ASAP1: variants seen among roughly 807,000 people sequenced by gnomAD.
The protein encoded by ASAP1 is ArfGAP with SH3 domain, ankyrin repeat and PH domain 1.
ASAP1 carries 43 observed loss-of-function variants against 145.2 expected under a neutral mutation model. That is an observed-to-expected ratio of 0.30 (90% CI 0.23 to 0.38). The LOEUF (loss-of-function observed/expected upper bound fraction) is 0.38. Ranked by LOEUF, ASAP1 falls within the 10% of genes least tolerant of loss-of-function variation. The pLI, the probability that ASAP1 is intolerant of heterozygous loss-of-function variation, is 1.00. For synonymous variants in ASAP1, 546 were observed against 515.5 expected, an observed-to-expected ratio of 1.06 and a Z score of -0.80; for missense variants, 1,018 against 1,355.3, an observed-to-expected ratio of 0.75 and a Z score of 3.91.
At chr8:130,352,414 C>G (rs562935234) in intron 3 of ASAP1, among the ~76,000 whole-genome samples, 3 of 152,190 alleles carry the variant, frequency 2.0e-5, no homozygotes, top group Admixed American at 6.5e-5. Flanking sequence ...AAATCCTATG[C>G]GTAAGATTTC....
chr8:130,228,259 G>C (rs146214341), intron 4 of ASAP1, among the ~76,000 whole-genome samples: 1 of 152,106 alleles, frequency 6.6e-6, no homozygotes, highest in Non-Finnish European at 1.5e-5. Context: ...AGGTGGCATA[G>C]AACACCCCCC....
At chr8:130,086,185 T>C (rs549245337) in intron 25 of ASAP1, among the ~76,000 whole-genome samples, 1 of 152,246 alleles carries the variant, frequency 6.6e-6, no homozygotes, top group South Asian at 2.1e-4. Context: ...CACAGAGTGG[T>C]GCGTGGAGAG....
chr8:130,093,269 G>A (rs983755972), intron 24 of ASAP1, among the ~76,000 whole-genome samples: 3 of 152,162 alleles, frequency 2.0e-5, no homozygotes, highest in Non-Finnish European at 4.4e-5. Flanking sequence ...GAAGTGGCTG[G>A]TGTGTGCCAG....
intron 3 of ASAP1, among the ~76,000 whole-genome samples, chr8:130,337,393 A>G (rs1167336166): frequency 6.6e-6 from 1 of 152,216 alleles, no homozygotes; most frequent in Admixed American, 6.5e-5. Flanking sequence ...ATTGATAATC[A>G]AGGCAACTTT....
At chr8:130,072,808 T>TGC (rs2097450302) in intron 27 of ASAP1, among the ~76,000 whole-genome samples, 1 of 41,320 alleles carries the variant, frequency 2.4e-5, no homozygotes, top group Non-Finnish European at 4.5e-5. Context: ...TGTGTGTGTG[T>TGC]GTGTGTGTGT....
At chr8:130,349,841 T>C (rs980606613) in intron 3 of ASAP1, among the ~76,000 whole-genome samples, 13 of 152,188 alleles carry the variant, frequency 8.5e-5, no homozygotes, top group African/African-American at 3.1e-4. Flanking sequence ...AAAAGCAATG[T>C]CATTTATTTA....
chr8:130,071,460 C>G (rs1035522073), intron 27 of ASAP1, among the ~76,000 whole-genome samples: 3 of 152,148 alleles, frequency 2.0e-5, no homozygotes, highest in African/African-American at 4.8e-5. Flanking sequence ...GTAGCCTCAC[C>G]CTATCTGAAT....
At chr8:130,441,651 G>C (rs1315518200) in intron 1 of ASAP1, among the ~76,000 whole-genome samples, 1 of 152,190 alleles carries the variant, frequency 6.6e-6, no homozygotes, top group Non-Finnish European at 1.5e-5. Context: ...GGCTCAATCT[G>C]AATGCACACA....
rs556773675 is a variant in ASAP1 at position 130,393,535 on chromosome 8, C to T, written c.59+8350G>A. Among the ~76,000 whole-genome samples, 4 of 152,296 alleles carry T rather than the reference C, an allele frequency of 2.6e-5. No homozygotes were observed. In the South Asian group the frequency reaches 8.3e-4, roughly 32 times the overall value. ...CTTTGGGAGGCCAAGGCGGGCAGAT[C>T]ACTTGAGGTCAGGAGTTCAAGAACA... On this transcript the variant is annotated intron_variant, in intron 2 of 29. Transcript: ENST00000518721.
chr8:130,236,000 C>A (rs1416845182), intron 4 of ASAP1, among the ~76,000 whole-genome samples: 1 of 152,036 alleles, frequency 6.6e-6, no homozygotes, highest in African/African-American at 2.4e-5. Flanking sequence ...CCTCACGTTA[C>A]AGAAGAAAAA....
At chr8:130,176,462 T>C (rs1443580353) in intron 9 of ASAP1, among the ~76,000 whole-genome samples, 1 of 152,192 alleles carries the variant, frequency 6.6e-6, no homozygotes, top group Non-Finnish European at 1.5e-5. Flanking sequence ...CCTTATAACA[T>C]GGTTCTACTA....
intron 13 of ASAP1, among the ~76,000 whole-genome samples, chr8:130,151,757 G>C (rs1252099704): frequency 2.0e-5 from 3 of 152,358 alleles, no homozygotes; most frequent in East Asian, 3.8e-4. Context: ...GTGAGAGGCT[G>C]AAGACAGAAA....
chr8:130,095,452 C>T (rs1009527176), intron 24 of ASAP1, among the ~76,000 whole-genome samples: 7 of 151,816 alleles, frequency 4.6e-5, no homozygotes, highest in South Asian at 2.1e-4. Context: ...AGATGTGTGC[C>T]ACCACGTCTG....
intron 1 of ASAP1, among the ~76,000 whole-genome samples, chr8:130,410,109 T>C (rs1829201004): frequency 6.6e-6 from 1 of 152,204 alleles, no homozygotes; most frequent in African/African-American, 2.4e-5. Context: ...AGAATTATCT[T>C]CTGGGAAAAT....
At chr8:130,363,946 T>G (rs769557529) in intron 2 of ASAP1, among the ~76,000 whole-genome samples, 2 of 152,208 alleles carry the variant, frequency 1.3e-5, no homozygotes, top group Non-Finnish European at 2.9e-5. Context: ...GGGGCTGTAC[T>G]TGATTCCATC....
rs973174269 is a variant in ASAP1 at position 130,116,733 on chromosome 8, C to T, written c.2009G>A (p.Gly670Glu). The T allele has an allele frequency of 1.2e-6, 2 of 1,613,952 alleles. No individual in the cohort carries two copies. The highest frequency in any genetic ancestry group is 1.3e-5 in the African/African-American group (1 of 74,918). The stretch of plus-strand genomic sequence containing the variant: ...CTTTGCTATGTCTAGGGCAGTTTCT[C>T]CAGCCTGGTTAACTGAAATAGGAAA... ...KPTVDIVNQAGETALDIAKRL... is the reference protein window; with the variant it reads ...KPTVDIVNQAEETALDIAKRL... Residue 670 changes from glycine (G) to glutamate (E), a missense_variant, in exon 22 of 30, where the codon GGA (glycine) becomes GAA (glutamate). Physicochemically the swap from Gly to Glu is moderately conservative, Grantham distance 98. Transcript: ENST00000518721.
chr8:130,129,027 G>C (rs367640853), intron 15 of ASAP1, among the ~76,000 whole-genome samples: 1 of 152,084 alleles, frequency 6.6e-6, no homozygotes, highest in Non-Finnish European at 1.5e-5. Context: ...TCAAGGTGGC[G>C]GTTTCCCCCA....
At chr8:130,257,391 A>G (rs1412438837) in intron 3 of ASAP1, among the ~76,000 whole-genome samples, 1 of 152,168 alleles carries the variant, frequency 6.6e-6, no homozygotes, top group African/African-American at 2.4e-5. Context: ...AACTACATTT[A>G]TTTACATAGT....
chr8:130,156,638 C>T (rs1397487606), intron 12 of ASAP1, among the ~76,000 whole-genome samples: 1 of 152,286 alleles, frequency 6.6e-6, no homozygotes, highest in East Asian at 1.9e-4. Context: ...GCAGCAGTGG[C>T]CCTTTTGAAA....
Sources: gnomAD v4.1 joint callset for allele counts (sites outside exome capture counted in the v4.1 genomes callset) on GRCh38, gnomAD v4.1.1 for gene constraint, MANE v1.5 for transcripts, NCBI Gene and HGNC (gene_info 2026-07-23, HGNC 2026-07-21) for gene names.